Variants in GRID1 observed in about 807,000 individuals in gnomAD.
The protein encoded by GRID1 is glutamate ionotropic receptor delta type subunit 1.
In GRID1, 28 loss-of-function variants were observed where a neutral mutation model predicts 98.0. That is an observed-to-expected ratio of 0.29 (90% CI 0.21 to 0.39). GRID1 has a LOEUF of 0.39. Among genes scored for constraint, GRID1 ranks in the 10% least tolerant of loss-of-function variants. GRID1 has a pLI of 1.00. For missense variants in GRID1, 1,111 were observed against 1,340.5 expected, an observed-to-expected ratio of 0.83 and a Z score of 2.67; for synonymous variants, 553 against 538.5, an observed-to-expected ratio of 1.03 and a Z score of -0.37.
intron 8 of GRID1, among the ~76,000 whole-genome samples, chr10:85,851,793 C>T (rs1843060612): frequency 6.6e-6 from 1 of 152,270 alleles, no homozygotes; most frequent in South Asian, 2.1e-4. Flanking sequence ...AGCTGCGACT[C>T]CTTGGACTCT....
intron 4 of GRID1, among the ~76,000 whole-genome samples, chr10:85,983,193 G>A (rs979683336): frequency 2.0e-5 from 3 of 152,194 alleles, no homozygotes; most frequent in Admixed American, 1.3e-4. Flanking sequence ...AGGATGACCG[G>A]ACAGCCTCTG....
chr10:86,114,170 G>C lies in GRID1; in HGVS notation c.726+24649C>G, dbSNP rs189318918. On this transcript the variant is annotated intron_variant, in intron 4 of 15. Coordinates refer to ENST00000327946, the MANE Select transcript of GRID1 (RefSeq NM_017551.3). ...GGCGGGGGTGTCAGATGGAGCACAG[G>C]TGTCCACCAGACATGGAGTGCAGTA... 1.6e-3 allele frequency among the ~76,000 whole-genome samples: 247 copies of C among 152,246 alleles called. 1 individual carries two copies. Among genetic ancestry groups the C allele is most frequent in the African/African-American group, 5.6e-3 (231 of 41,552 alleles).
At chr10:86,223,731 C>T (rs1284270792) in intron 2 of GRID1, among the ~76,000 whole-genome samples, 5 of 152,220 alleles carry the variant, frequency 3.3e-5, no homozygotes, top group East Asian at 3.8e-4. Context: ...GGTCGGCTTT[C>T]CAAGAAGTGA....
chr10:86,301,768 C>G (rs1319710856), intron 2 of GRID1, among the ~76,000 whole-genome samples: 1 of 152,222 alleles, frequency 6.6e-6, no homozygotes, highest in Non-Finnish European at 1.5e-5. Context: ...ATAAAGGACC[C>G]CAAGGACCCC....
At chr10:86,079,315 G>A (rs1382278584) in intron 4 of GRID1, among the ~76,000 whole-genome samples, 1 of 152,220 alleles carries the variant, frequency 6.6e-6, no homozygotes, top group East Asian at 1.9e-4. Context: ...AATCTCTGAA[G>A]TCATCCTGGT....
intron 8 of GRID1, among the ~76,000 whole-genome samples, chr10:85,803,578 A>C (rs1842596358): frequency 6.6e-6 from 1 of 152,100 alleles, no homozygotes; most frequent in Admixed American, 6.5e-5. Flanking sequence ...ATTAATTAAT[A>C]AATTAATAAC....
chr10:85,960,564 T>C (rs1842252777), intron 4 of GRID1, among the ~76,000 whole-genome samples: 1 of 152,218 alleles, frequency 6.6e-6, no homozygotes, highest in African/African-American at 2.4e-5. Context: ...AGCACAGCCA[T>C]GCTAAGGTAG....
chr10:85,766,090 G>A (rs1842195285), intron 8 of GRID1, among the ~76,000 whole-genome samples: 1 of 152,238 alleles, frequency 6.6e-6, no homozygotes, highest in Admixed American at 6.5e-5. Flanking sequence ...TGTGGTGGTA[G>A]AGGAGAAACA....
chr10:85,651,366 G>A (rs551238680), intron 12 of GRID1, among the ~76,000 whole-genome samples: 6 of 152,168 alleles, frequency 3.9e-5, no homozygotes, highest in Admixed American at 2.6e-4. Flanking sequence ...TGGGCAAGCC[G>A]CATGTCTAAG....
chr10:85,675,918 A>G (rs577846447), intron 12 of GRID1, among the ~76,000 whole-genome samples: 2 of 152,162 alleles, frequency 1.3e-5, no homozygotes, highest in South Asian at 4.2e-4. Flanking sequence ...CCTGCATGTG[A>G]AGATGTAATT....
chr10:85,895,318 T>C (rs1288540241), intron 5 of GRID1, among the ~76,000 whole-genome samples: 4 of 152,016 alleles, frequency 2.6e-5, no homozygotes, highest in Non-Finnish European at 5.9e-5. Context: ...CCCCATGATA[T>C]ATCTTCAACA....
chr10:86,256,828 C>T (rs562844163), intron 2 of GRID1, among the ~76,000 whole-genome samples: 12 of 152,294 alleles, frequency 7.9e-5, no homozygotes, highest in Admixed American at 2.0e-4. Context: ...TTGGCTTCTA[C>T]CTGGCTTCAG....
At chr10:86,294,781 C>T (rs528657024) in intron 2 of GRID1, among the ~76,000 whole-genome samples, 29 of 152,258 alleles carry the variant, frequency 1.9e-4, no homozygotes, top group South Asian at 4.2e-4. Flanking sequence ...AGGTGTGAGA[C>T]GGTCAGAAGT....
chr10:86,366,217 C>G lies in GRID1; in HGVS notation c.79+97G>C. On this transcript the variant is annotated intron_variant, in intron 1 of 15. Coordinates refer to ENST00000327946, the MANE Select transcript of GRID1 (RefSeq NM_017551.3). The surrounding 1 kb of genome is among the most constrained non-coding windows in gnomAD (Gnocchi z 4.1). ...CTTCGGGGGAGCACCGCCCGCCGAG[C>G]CCCTCGGCCCAGGGAAACGCCAAGT... The G allele has an allele frequency of 6.6e-6, 5 of 758,556 alleles. No homozygotes were observed. The highest frequency in any genetic ancestry group is 7.6e-6 in the Non-Finnish European group (4 of 524,726). The allele number at this position is 758,556 out of a possible 1,614,324, so 47.0% of individuals were successfully genotyped here. A position where few individuals can be genotyped will look rare whatever the true frequency, so the allele number is the denominator to read the frequency against.
At chr10:85,924,879 C>A (rs1008243018) in intron 4 of GRID1, among the ~76,000 whole-genome samples, 1 of 152,158 alleles carries the variant, frequency 6.6e-6, no homozygotes, top group African/African-American at 2.4e-5. Flanking sequence ...GCAGAAGCGC[C>A]CGCTCACAGC....
chr10:86,305,678 A>G (rs1161139342), intron 2 of GRID1, among the ~76,000 whole-genome samples: 1 of 152,178 alleles, frequency 6.6e-6, no homozygotes, highest in Non-Finnish European at 1.5e-5. Flanking sequence ...CTCAGGAACA[A>G]CAGGAACTGG....
chr10:85,674,152 G>A (rs887204935), intron 12 of GRID1, among the ~76,000 whole-genome samples: 2 of 152,128 alleles, frequency 1.3e-5, no homozygotes, highest in Non-Finnish European at 2.9e-5. Context: ...TATTTCCAAC[G>A]GGATGGGTAA....
At chr10:86,079,014 C>T (rs530985502) in intron 4 of GRID1, among the ~76,000 whole-genome samples, 18 of 152,334 alleles carry the variant, frequency 1.2e-4, no homozygotes, top group African/African-American at 3.1e-4. Flanking sequence ...GAGCTACCCC[C>T]GTCAGCACAG....
intron 8 of GRID1, among the ~76,000 whole-genome samples, chr10:85,751,496 G>T (rs1405820892): frequency 6.6e-6 from 1 of 152,064 alleles, no homozygotes; most frequent in Non-Finnish European, 1.5e-5. Context: ...CACATCAATG[G>T]GTCCACATGG....
Sources: gnomAD v4.1 joint callset for allele counts (sites outside exome capture counted in the v4.1 genomes callset) on GRCh38, gnomAD v4.1.1 for gene constraint, Gnocchi (gnomAD v3.1) non-coding constraint, MANE v1.5 for transcripts, NCBI Gene and HGNC (gene_info 2026-07-23, HGNC 2026-07-21) for gene names.